Variants in DLC1 observed in about 807,000 individuals in gnomAD.
The protein encoded by DLC1 is rho GTPase-activating protein 7.
A neutral mutation model predicts 140.3 loss-of-function variants in DLC1; 54 were observed. The ratio of observed to expected loss-of-function variants is 0.38; its 90% CI spans 0.31 to 0.48. The LOEUF (loss-of-function observed/expected upper bound fraction) is 0.48. Ranked by LOEUF, DLC1 falls within the 20% of genes least tolerant of loss-of-function variation. DLC1 has a pLI of 0.96. For missense variants in DLC1, 2,536 were observed against 1,907.0 expected, an observed-to-expected ratio of 1.33 and a Z score of -6.14; for synonymous variants, 986 against 728.1, an observed-to-expected ratio of 1.35 and a Z score of -5.70.
intron 5 of DLC1, among the ~76,000 whole-genome samples, chr8:13,157,557 CAT>C (rs1824345361): frequency 6.6e-6 from 1 of 152,176 alleles, no homozygotes; most frequent in South Asian, 2.1e-4. Flanking sequence ...GCTCCCAAAT[CAT>C]AGGCTAACTG....
chr8:13,086,129 G>A, intron 17 of DLC1, 161 bp downstream of exon 17: 1 of 1,325,608 alleles, frequency 7.5e-7, no homozygotes, highest in South Asian at 1.5e-5. Flanking sequence ...AGTGGTCGCT[G>A]AAAGACCAAC....
At chr8:13,170,026 T>TA (rs1013813430) in intron 5 of DLC1, among the ~76,000 whole-genome samples, 21 of 151,536 alleles carry the variant, frequency 1.4e-4, no homozygotes, top group Non-Finnish European at 2.1e-4. Context: ...CTCAAAAAAA[T>TA]AAAAAAATAA....
At chr8:13,145,822 A>G (rs7817507) in intron 5 of DLC1, among the ~76,000 whole-genome samples, 4,542 of 152,308 alleles carry the variant, frequency 0.03, 225 homozygotes, top group African/African-American at 0.1. Context: ...ATATAAGATC[A>G]ATATTCAGGA....
At position 13,556,920 on chromosome 8, in the gene DLC1, A is replaced by T. The variant is rs561997941; in HGVS notation, c.-126+47617T>A. On this transcript the variant is annotated intron_variant, in intron 1 of 1. Transcript: ENST00000631382. ...ACACATAGCTTAGTGGAGAAGACAG[A>T]CTTTTTCCAGCCCTGGTGGGGCTGA... 1.2e-4 allele frequency among the ~76,000 whole-genome samples: 19 copies of T among 152,350 alleles called. No homozygotes were observed. The East Asian group carries it at 3.5e-3, about 28-fold the overall frequency.
chr8:13,506,180 C>T (rs1283442931), intron 1 of DLC1, among the ~76,000 whole-genome samples: 1 of 151,912 alleles, frequency 6.6e-6, no homozygotes, highest in East Asian at 1.9e-4. Flanking sequence ...CACATATATA[C>T]ACATATGTAT....
rs36209609 is a variant in DLC1, at chr8:13,506,581, G to GTA, written c.-125-6387_-125-6386dup. Among the ~76,000 whole-genome samples the GTA allele has an allele frequency of 1.5e-3, 199 of 131,124 alleles. 3 individuals carry two copies. In the Middle Eastern group the frequency reaches 0.015, roughly 10 times the overall value. The allele number at this position is 131,124 out of a possible 152,430, so 86.0% of individuals were successfully genotyped here. On this transcript the variant is annotated intron_variant, in intron 1 of 17. Coordinates refer to ENST00000276297, the MANE Select transcript of DLC1 (RefSeq NM_182643.3). ...CACACACACACATGTGTGTGTGTGT[G>GTA]TATATATATATATATATATATATAT...
At chr8:13,588,024 C>A (rs1805389973) in intron 1 of DLC1, among the ~76,000 whole-genome samples, 2 of 152,016 alleles carry the variant, frequency 1.3e-5, no homozygotes, top group African/African-American at 4.8e-5. Context: ...TTATATAGGT[C>A]CTACTTCAGC....
Position 13,194,979 on chromosome 8 carries a change from C to T in DLC1, c.1349-79322G>A, listed in dbSNP as rs1046164901. Among the ~76,000 whole-genome samples, 6 of 152,112 alleles carry T rather than the reference C, an allele frequency of 3.9e-5. 1 individual carries two copies. The highest frequency in any genetic ancestry group is 6.6e-5 in the Admixed American group (1 of 15,266). ...GAGCTATGATTGTGCCACTGCACTC[C>T]AGTGTGGGTGACAGAGCAAGATCCT... On this transcript the variant is annotated intron_variant, in intron 5 of 17. Transcript: ENST00000276297.
chr8:13,582,762 T>C (rs1805153296), intron 1 of DLC1, among the ~76,000 whole-genome samples: 1 of 150,974 alleles, frequency 6.6e-6, no homozygotes, highest in Admixed American at 6.6e-5. Context: ...ACTCACAGAT[T>C]TTGTGGATTC....
chr8:13,231,149 G>A (rs1174010923), intron 5 of DLC1, among the ~76,000 whole-genome samples: 1 of 151,892 alleles, frequency 6.6e-6, no homozygotes, highest in Non-Finnish European at 1.5e-5. Context: ...TAAGTCCCTG[G>A]CCTTCAAGTT....
intron 2 of DLC1, among the ~76,000 whole-genome samples, chr8:13,453,504 A>ATATATATACATATATATATG (rs1799235640): frequency 3.3e-5 from 1 of 30,138 alleles, no homozygotes; most frequent in Non-Finnish European, 5.6e-5. Flanking sequence ...ATATATATGT[A>ATATATATACATATATATATG]TATATATATA....
intron 2 of DLC1, among the ~76,000 whole-genome samples, chr8:13,466,397 A>C (rs1799942554): frequency 6.6e-6 from 1 of 152,034 alleles, no homozygotes; most frequent in South Asian, 2.1e-4. Flanking sequence ...TCTGTGTCTC[A>C]CTTGACACAC....
chr8:13,113,381 C>A (rs770763790), intron 6 of DLC1, among the ~76,000 whole-genome samples: 18 of 152,160 alleles, frequency 1.2e-4, no homozygotes, highest in Non-Finnish European at 2.5e-4. Context: ...GAACAATACG[C>A]AGTGTACCCC....
intron 1 of DLC1, among the ~76,000 whole-genome samples, chr8:13,539,575 CT>C (rs1402429500): frequency 6.6e-6 from 1 of 152,124 alleles, no homozygotes; most frequent in African/African-American, 2.4e-5. Context: ...GCGCAGTGCC[CT>C]TTTTCCAATC....
At chr8:13,150,562 G>C (rs372162208) in intron 5 of DLC1, among the ~76,000 whole-genome samples, 6 of 152,312 alleles carry the variant, frequency 3.9e-5, no homozygotes, top group Non-Finnish European at 7.3e-5. Flanking sequence ...GCCTGCGATG[G>C]CTTTAATATC....
At chr8:13,453,969 GTTAAC>G (rs1243400193) in intron 2 of DLC1, among the ~76,000 whole-genome samples, 2 of 152,084 alleles carry the variant, frequency 1.3e-5, no homozygotes, top group Non-Finnish European at 1.5e-5. Flanking sequence ...TCCTCAGAGT[GTTAAC>G]TTATCTTACT....
At chr8:13,533,665 G>A (rs890972478) in intron 1 of DLC1, among the ~76,000 whole-genome samples, 8 of 152,068 alleles carry the variant, frequency 5.3e-5, no homozygotes, top group Admixed American at 1.3e-4. Flanking sequence ...CTTAAAACCC[G>A]CTCCATCATA....
chr8:13,500,245 T>C (rs1404688244), intron 1 of DLC1, 49 bp from the exon 2 acceptor site: 4 of 554,196 alleles, frequency 7.2e-6, no homozygotes, highest in Non-Finnish European at 1.2e-5. Context: ...GTTTCTAAAG[T>C]CAAAATATAT....
At chr8:13,576,316 C>A (rs918027521) in intron 1 of DLC1, among the ~76,000 whole-genome samples, 1 of 152,000 alleles carries the variant, frequency 6.6e-6, no homozygotes, top group African/African-American at 2.4e-5. Flanking sequence ...TTTTCTGGGG[C>A]GCGGAGAAGG....
Sources: gnomAD v4.1 joint callset for allele counts (sites outside exome capture counted in the v4.1 genomes callset) on GRCh38, gnomAD v4.1.1 for gene constraint, MANE v1.5 for transcripts, NCBI Gene and HGNC (gene_info 2026-07-23, HGNC 2026-07-21) for gene names.